The following QTMAN variants were observed in gnomAD, a reference collection of about 807,000 sequenced individuals.
The protein encoded by QTMAN is queuosine-tRNA mannosyltransferase, also known as tRNA-queuosine alpha-mannosyltransferase.
the QTMAN span, among the ~76,000 whole-genome samples, chr2:144,165,886 TA>T: frequency 3.3e-5 from 5 of 152,172 alleles, no homozygotes; most frequent in African/African-American, 1.2e-4. Flanking sequence ...TCCTTATTCA[TA>T]AACTTTTACA....
the QTMAN span, among the ~76,000 whole-genome samples, chr2:144,155,948 C>G: frequency 4.6e-5 from 7 of 151,432 alleles, no homozygotes; most frequent in Non-Finnish European, 1.0e-4. Flanking sequence ...ATAAGCTAAC[C>G]AGGAAAAATA....
the QTMAN span, among the ~76,000 whole-genome samples, chr2:144,177,431 A>G: frequency 2.0e-5 from 3 of 152,300 alleles, no homozygotes; most frequent in East Asian, 3.9e-4. Flanking sequence ...TCTCAAAAAT[A>G]TAAAGTATAA....
At chr2:143,967,975 C>A in the QTMAN span, among the ~76,000 whole-genome samples, 1 of 152,132 alleles carries the variant, frequency 6.6e-6, no homozygotes, top group Non-Finnish European at 1.5e-5. Context: ...TATCTAAGAA[C>A]CTGTTACATA....
the QTMAN span, among the ~76,000 whole-genome samples, chr2:144,017,096 C>T: frequency 6.6e-6 from 1 of 151,892 alleles, no homozygotes; most frequent in Non-Finnish European, 1.5e-5. Flanking sequence ...CTTCTGCCTC[C>T]CGGGTTCAAG....
the QTMAN span, chr2:144,317,342 G>T: frequency 1.5e-5 from 2 of 134,178 alleles, no homozygotes; most frequent in African/African-American, 5.6e-5. Context: ...TGAATAAATT[G>T]GTATGCAACA....
the QTMAN span, among the ~76,000 whole-genome samples, chr2:143,991,096 T>C: frequency 6.6e-6 from 1 of 150,802 alleles, no homozygotes; most frequent in Non-Finnish European, 1.5e-5. Flanking sequence ...ACATGAAAAA[T>C]ATGAAAAAAA....
At chr2:143,963,305 T>C in the QTMAN span, among the ~76,000 whole-genome samples, 8 of 152,150 alleles carry the variant, frequency 5.3e-5, no homozygotes, top group Admixed American at 5.2e-4. Flanking sequence ...CTTATAAATG[T>C]ATAATTTGTT....
the QTMAN span, among the ~76,000 whole-genome samples, chr2:144,216,243 T>A: frequency 6.6e-6 from 1 of 152,204 alleles, no homozygotes; most frequent in Non-Finnish European, 1.5e-5. Flanking sequence ...CTCCTAAATA[T>A]GACTTCCTTT....
the QTMAN span, among the ~76,000 whole-genome samples, chr2:144,024,776 T>G: frequency 2.6e-5 from 4 of 152,246 alleles, no homozygotes; most frequent in African/African-American, 9.6e-5. Context: ...CAGAAATAGC[T>G]TTGCTACATA....
At chr2:144,327,920 A>G in the QTMAN span, among the ~76,000 whole-genome samples, 1 of 152,098 alleles carries the variant, frequency 6.6e-6, no homozygotes, top group Non-Finnish European at 1.5e-5. Flanking sequence ...AGTTACTAAG[A>G]AAAGACTGTG....
the QTMAN span, among the ~76,000 whole-genome samples, chr2:144,225,859 A>ATG: frequency 3.3e-5 from 5 of 152,136 alleles, no homozygotes; most frequent in African/African-American, 7.2e-5. Flanking sequence ...TATACAGTAT[A>ATG]TGTGTGTGTG....
the QTMAN span, among the ~76,000 whole-genome samples, chr2:143,999,436 T>G: frequency 6.7e-6 from 1 of 148,352 alleles, no homozygotes; most frequent in Non-Finnish European, 1.5e-5. Flanking sequence ...AAAAAAAAAG[T>G]AGAAAGGAGT....
At chr2:144,179,948 G>T in the QTMAN span, among the ~76,000 whole-genome samples, 2 of 152,120 alleles carry the variant, frequency 1.3e-5, no homozygotes, top group Non-Finnish European at 2.9e-5. Flanking sequence ...GTAGTTTGTT[G>T]TTGTAAAGGT....
the QTMAN span, among the ~76,000 whole-genome samples, chr2:144,030,253 C>T: frequency 6.6e-6 from 1 of 152,186 alleles, no homozygotes; most frequent in Non-Finnish European, 1.5e-5. Context: ...GTCTCACAAT[C>T]TCCTTGGGAC....
the QTMAN span, among the ~76,000 whole-genome samples, chr2:144,234,829 G>T: frequency 2.0e-5 from 3 of 152,152 alleles, no homozygotes; most frequent in South Asian, 2.1e-4. Flanking sequence ...GTTGAGAAAG[G>T]CAGTGGGGGA....
At chr2:144,111,705 T>C in the QTMAN span, among the ~76,000 whole-genome samples, 1 of 152,186 alleles carries the variant, frequency 6.6e-6, no homozygotes, top group Non-Finnish European at 1.5e-5. Flanking sequence ...ATCTCTTTCT[T>C]GCTCTCTCTC....
the QTMAN span, among the ~76,000 whole-genome samples, chr2:144,027,670 T>G: frequency 6.6e-6 from 1 of 152,224 alleles, no homozygotes; most frequent in African/African-American, 2.4e-5. Flanking sequence ...GCTTCTAAAC[T>G]TTAAAGCAGT....
At chr2:144,165,138 G>A in the QTMAN span, among the ~76,000 whole-genome samples, 2 of 152,120 alleles carry the variant, frequency 1.3e-5, no homozygotes, top group African/African-American at 2.4e-5. Flanking sequence ...TTGGTAGGCC[G>A]AGGCGGGTGG....
the QTMAN span, among the ~76,000 whole-genome samples, chr2:144,227,599 A>G: frequency 1.3e-5 from 2 of 152,184 alleles, no homozygotes; most frequent in African/African-American, 4.8e-5. Context: ...GCGTAAAGAC[A>G]CCAAGATGAC....
Sources: allele counts gnomAD v4.1 joint callset (sites outside exome capture counted in the v4.1 genomes callset), GRCh38; gene constraint gnomAD v4.1.1; transcripts MANE v1.5; gene names NCBI Gene and HGNC (gene_info 2026-07-23, HGNC 2026-07-21).